The following DOCK8 variants were observed in gnomAD, a reference collection of about 807,000 sequenced individuals.
The protein encoded by DOCK8 is dedicator of cytokinesis 8, also known as dedicator of cytokinesis protein 8.
In DOCK8, 141 loss-of-function variants were observed where a neutral mutation model predicts 245.6. The observed-to-expected ratio is 0.57, with a 90% CI of 0.50 to 0.66. The LOEUF is 0.66. Ranked by LOEUF, DOCK8 falls within the 30% of genes least tolerant of loss-of-function variation. The probability of loss-of-function intolerance (pLI) is 0.00; values close to 1 mark genes in which losing one functional copy is unlikely to be tolerated. For missense variants in DOCK8, 2,965 were observed against 2,603.4 expected (o/e 1.14, Z -3.02); for synonymous variants, 1,168 against 970.2 (o/e 1.20, Z -3.79).
chr9:274,719 C>A (rs1194020221), intron 2 of DOCK8, among the ~76,000 whole-genome samples: 4 of 152,040 alleles, frequency 2.6e-5, no homozygotes, highest in African/African-American at 9.7e-5. Context: ...AGATTCATTT[C>A]TAGGAAGGCA....
intron 14 of DOCK8, among the ~76,000 whole-genome samples, chr9:350,124 CT>C (rs565847044): frequency 6.6e-6 from 1 of 152,046 alleles, no homozygotes; most frequent in Non-Finnish European, 1.5e-5. Context: ...TCATTTTCTT[CT>C]TTTAAGAGAC....
chr9:439,131 C>A, intron 39 of DOCK8, 114 bp from the exon 40 acceptor site: 1 of 1,346,308 alleles, frequency 7.4e-7, no homozygotes, highest in Non-Finnish European at 1.1e-6. Flanking sequence ...AGTTTAGTCA[C>A]GGTCTTGGTA....
In DOCK8 at chr9:336,696, G is replaced by A; in HGVS notation, c.1400G>A (p.Ser467Asn). ...TCCAACTTCAAAACCTCCACTCTGA[G>A]CGTTAGCAGCTTTTTCAAGCAGGTA... ...VGSNFKTSTL[S>N]VSSFFKQEGD... Residue 467 changes from serine (S) to asparagine (N), a missense_variant, in exon 12 of 48, where the codon AGC becomes AAC. Ser to Asn is a conservative substitution (Grantham distance 46). Transcript: ENST00000432829. 6.2e-7 allele frequency: 1 copy of A among 1,614,036 alleles called. No individual in the cohort carries two copies. Among genetic ancestry groups the A allele is most frequent in the Non-Finnish European group, 8.5e-7 (1 of 1,179,984 alleles).
At chr9:319,637 C>G (rs1166419588) in intron 7 of DOCK8, among the ~76,000 whole-genome samples, 2 of 152,026 alleles carry the variant, frequency 1.3e-5, no homozygotes, top group South Asian at 2.1e-4. Flanking sequence ...GGATTCTATT[C>G]ATAATACTAC....
At chr9:362,289 T>TA (rs1251701172) in intron 14 of DOCK8, among the ~76,000 whole-genome samples, 1 of 152,210 alleles carries the variant, frequency 6.6e-6, no homozygotes, top group Non-Finnish European at 1.5e-5. Flanking sequence ...TTAACCAGGC[T>TA]ATTTTCACAG....
chr9:289,356 A>G (rs1434677026), intron 3 of DOCK8, among the ~76,000 whole-genome samples, 154 bp from the exon 4 acceptor site: 1 of 152,228 alleles, frequency 6.6e-6, no homozygotes, highest in Non-Finnish European at 1.5e-5. Flanking sequence ...TGCCCCAGGA[A>G]TACTTCAGAC....
At chr9:231,402 T>C (rs1333685713) in intron 1 of DOCK8, among the ~76,000 whole-genome samples, 1 of 152,150 alleles carries the variant, frequency 6.6e-6, no homozygotes, top group African/African-American at 2.4e-5. Context: ...TTTGGTTCCA[T>C]ATGAACTTTA....
intron 3 of DOCK8, 74 bp downstream of exon 3, chr9:286,710 C>T (rs1245061626): frequency 1.1e-5 from 15 of 1,386,462 alleles, no homozygotes; most frequent in African/African-American, 2.8e-5. Context: ...AGGGGAGATG[C>T]CTTCAATCTG....
rs773293289 is a variant in DOCK8, at chr9:292,310, C to G, written c.404+2729C>G. Among the ~76,000 whole-genome samples the G allele has an allele frequency of 4.0e-5, 5 of 124,840 alleles. No homozygotes were observed. The Admixed American group carries it at 4.3e-4, about 11-fold the overall frequency. The allele number at this position is 124,840 out of a possible 152,430, so 81.9% of individuals were successfully genotyped here. A position where few individuals can be genotyped will look rare whatever the true frequency, so the allele number is the denominator to read the frequency against. ...ACTTGATCCTCTAAAAATAGCTAAA[C>G]TGGGAGGCAGAGGTTGTGGTGAGCC... is the stretch of plus-strand genomic sequence containing the variant. On this transcript the variant is annotated intron_variant, in intron 4 of 47. Transcript: ENST00000432829.
In DOCK8 at chr9:332,431, G is replaced by C; in HGVS notation, c.1078G>C (p.Asp360His). ...AGTCCTGCAGCAGGGAGAGATTGGA[G>C]ACTGTGCAGAGCCCTACACGGTTAT... is the stretch of plus-strand genomic sequence containing the variant. ...EKVLQQGEIG[D>H]CAEPYTVIKE... is the part of the protein sequence containing the mutation. Residue 360 changes from aspartate (D) to histidine (H), a missense_variant, in exon 10 of 48, where the codon GAC (aspartate) becomes CAC (histidine). Asp to His is a moderately conservative substitution (Grantham distance 81, BLOSUM62 -1). This residue lies in a region of DOCK8 where 2,825 missense variants were observed against 2,453.5 expected (regional missense o/e 1.15). Transcript: ENST00000432829. The C allele has an allele frequency of 6.2e-7, 1 of 1,613,392 alleles. No individual in the cohort carries two copies. Among genetic ancestry groups the C allele is most frequent in the Non-Finnish European group, 8.5e-7 (1 of 1,179,482 alleles).
intron 14 of DOCK8, among the ~76,000 whole-genome samples, chr9:353,489 A>G (rs1227283526): frequency 2.2e-4 from 33 of 152,218 alleles, no homozygotes. Context: ...ATAACCAAAA[A>G]TATCAGCCTC....
intron 1 of DOCK8, among the ~76,000 whole-genome samples, chr9:216,339 G>A (rs75696963): frequency 0.02 from 2,981 of 151,854 alleles, 93 homozygotes; most frequent in African/African-American, 0.069. Context: ...GACCAGCCTG[G>A]GCAACATAGT....
At chr9:213,624 T>C (rs574905971), upstream of DOCK8, 96 of 152,308 alleles carry the variant, frequency 6.3e-4, no homozygotes, top group African/African-American at 2.3e-3. Flanking sequence ...CATCCAGCAG[T>C]GGGCAATTCA....
At chr9:334,478 G>A in intron 11 of DOCK8, 94 bp downstream of exon 11, 1 of 1,384,758 alleles carries the variant, frequency 7.2e-7, no homozygotes, top group South Asian at 1.3e-5. Flanking sequence ...GCACAGTGAG[G>A]TGTGGGAAGT....
chr9:418,878 T>C (rs947981642), intron 30 of DOCK8, among the ~76,000 whole-genome samples: 3 of 145,370 alleles, frequency 2.1e-5, no homozygotes, highest in African/African-American at 7.8e-5. Context: ...TCATACAGTG[T>C]AATGCCTCCA....
intron 14 of DOCK8, among the ~76,000 whole-genome samples, chr9:350,230 A>T (rs1047385811): frequency 6.6e-6 from 1 of 152,136 alleles, no homozygotes; most frequent in Non-Finnish European, 1.5e-5. Context: ...CTCCCAACTC[A>T]GCCTCCCAAG....
intron 2 of DOCK8, among the ~76,000 whole-genome samples, chr9:274,465 C>CTTTTTTTT (rs71312800): frequency 6.9e-6 from 1 of 144,966 alleles, no homozygotes; most frequent in Non-Finnish European, 1.5e-5. Flanking sequence ...GGATTGAATT[C>CTTTTTTTT]TTTTTTTTTT....
In DOCK8 at chr9:389,384, C is replaced by G. The variant is rs191651829; in HGVS notation, c.2875-1087C>G. ...ACGCAAAGTGGAGCTGGGGGACTTT[C>G]CAAGCATCTGGCCCTGGGACATAGA... is the stretch of plus-strand genomic sequence containing the variant. On this transcript the variant is annotated intron_variant, in intron 23 of 47. Coordinates refer to ENST00000432829, the MANE Select transcript of DOCK8 (RefSeq NM_203447.4). Among the ~76,000 whole-genome samples, 1,005 of 152,316 alleles carry G rather than the reference C, an allele frequency of 6.6e-3. 12 individuals carry two copies. The highest frequency in any genetic ancestry group is 0.021 in the South Asian group (103 of 4,828).
chr9:259,865 C>T (rs1028015282), intron 1 of DOCK8, among the ~76,000 whole-genome samples: 3 of 152,176 alleles, frequency 2.0e-5, no homozygotes, highest in African/African-American at 7.2e-5. Context: ...TCTGTGTTTT[C>T]CTCAAAGATT....
Sources: gnomAD v4.1 joint callset for allele counts (sites outside exome capture counted in the v4.1 genomes callset) on GRCh38, gnomAD v4.1.1 for gene constraint, gnomAD v4.1.1 regional missense constraint, MANE v1.5 for transcripts, NCBI Gene and HGNC (gene_info 2026-07-23, HGNC 2026-07-21) for gene names.